The following KDM1B variants were observed in gnomAD, a reference collection of about 807,000 sequenced individuals.
The protein encoded by KDM1B is lysine-specific histone demethylase 2.
A neutral mutation model predicts 107.4 loss-of-function variants in KDM1B; 63 were observed. The observed-to-expected ratio is 0.59, with a 90% CI of 0.48 to 0.72. KDM1B has a LOEUF of 0.72. KDM1B is among the 30% of genes least tolerant of loss of function. KDM1B has a pLI of 0.00. For missense variants in KDM1B, 749 were observed against 1,020.8 expected, an observed-to-expected ratio of 0.73 and a Z score of 3.63; for synonymous variants, 363 against 363.9, an observed-to-expected ratio of 1.00 and a Z score of 0.03.
In KDM1B at chr6:18,223,481, G is replaced by A. The variant is rs1233871453; in HGVS notation, c.*1489G>A. On this transcript the variant is annotated 3_prime_UTR_variant, in exon 22 of 22. Coordinates refer to ENST00000650836, the MANE Select transcript of KDM1B (RefSeq NM_001364614.2). Reference sequence around the variant, plus strand: ...TGACTGGCAAGTATTCTGCTTTAAAGTATCATGTATTAAAATGTTTAGACA... The same window carrying A: ...TGACTGGCAAGTATTCTGCTTTAAAATATCATGTATTAAAATGTTTAGACA... 4 of 151,974 alleles carry A rather than the reference G, an allele frequency of 2.6e-5. No individual in the cohort carries two copies. Among genetic ancestry groups the A allele is most frequent in the Non-Finnish European group, 5.9e-5 (4 of 68,002 alleles). 9.4% of individuals were successfully genotyped at this position (151,974 alleles called of 1,614,324 possible).
chr6:18,201,372 T>G lies in KDM1B; in HGVS notation c.1360-114T>G. 1.4e-6 allele frequency: 1 copy of G among 720,844 alleles called. No homozygotes were observed. Among genetic ancestry groups the G allele is most frequent in the Non-Finnish European group, 2.3e-6 (1 of 442,580 alleles). 44.7% of individuals were successfully genotyped at this position (720,844 alleles called of 1,614,324 possible). A position where few individuals can be genotyped will look rare whatever the true frequency, so the allele number is the denominator to read the frequency against. On this transcript the variant is annotated intron_variant, in intron 13 of 21. Transcript: ENST00000650836. This position sits in a 1 kb window ranked among gnomAD's most constrained non-coding sequence, Gnocchi z 4.3. ...CGTGAAGCATATTTAGCTTTATTTT[T>G]GAGAGATATGAGACCATTTTCTCCA...
chr6:18,220,716 G>C (rs1371922458), intron 21 of KDM1B, among the ~76,000 whole-genome samples: 2 of 152,086 alleles, frequency 1.3e-5, no homozygotes, highest in East Asian at 3.9e-4. Context: ...TCATGAACAT[G>C]GCTTAGATGG....
chr6:18,177,765 T>G (rs910889915), intron 7 of KDM1B, among the ~76,000 whole-genome samples: 2 of 151,972 alleles, frequency 1.3e-5, no homozygotes, highest in Non-Finnish European at 2.9e-5. Flanking sequence ...TCATTCCTGC[T>G]CCTGGTACCA....
intron 6 of KDM1B, among the ~76,000 whole-genome samples, chr6:18,170,058 ACCC>A (rs1785556513): frequency 6.6e-6 from 1 of 151,546 alleles, no homozygotes; most frequent in Admixed American, 6.6e-5. Context: ...ACAGGCATGC[ACCC>A]CCACGCCCAG....
chr6:18,158,885 A>G (rs1348757284), intron 2 of KDM1B, among the ~76,000 whole-genome samples: 1 of 152,214 alleles, frequency 6.6e-6, no homozygotes, highest in Non-Finnish European at 1.5e-5. Context: ...GCTTCTATCT[A>G]ATTTAGATCT....
At chr6:18,178,538 A>G (rs137873513) in intron 7 of KDM1B, among the ~76,000 whole-genome samples, 1,840 of 151,984 alleles carry the variant, frequency 0.012, 38 homozygotes, top group African/African-American at 0.041. Context: ...GACTACAGGC[A>G]CACATCACCA....
In KDM1B at chr6:18,205,496, T is replaced by C. The variant is rs774130005; in HGVS notation, c.1532-41T>C. On this transcript the variant is annotated intron_variant, in intron 14 of 21. Coordinates refer to ENST00000650836, the MANE Select transcript of KDM1B (RefSeq NM_001364614.2). This position sits in a 1 kb window ranked among gnomAD's most constrained non-coding sequence, Gnocchi z 5.7. ...AAGGAGAAAGAATTGGAGAATCTTG[T>C]TAAAGCTATTTTTTTCTGCTTTGAT... The C allele has an allele frequency of 2.6e-6, 4 of 1,535,292 alleles. No homozygotes were observed. The South Asian group carries it at 4.8e-5, about 18-fold the overall frequency.
At chr6:18,194,452 C>T (rs1449480724) in intron 10 of KDM1B, among the ~76,000 whole-genome samples, 1 of 152,280 alleles carries the variant, frequency 6.6e-6, no homozygotes, top group East Asian at 1.9e-4. Flanking sequence ...CGCCATGCAC[C>T]TGCTGCAGTC....
chr6:18,210,342 CTTTT>C (rs533016543), intron 17 of KDM1B, among the ~76,000 whole-genome samples: 40 of 69,976 alleles, frequency 5.7e-4, no homozygotes, highest in African/African-American at 1.9e-3. Flanking sequence ...TCTTTCTTTT[CTTTT>C]TTTTTTTTTT....
At position 18,215,176 on chromosome 6, in the gene KDM1B, A is replaced by G. The variant is rs372453019; in HGVS notation, c.2232+47A>G. On this transcript the variant is annotated intron_variant, in intron 20 of 21. Transcript: ENST00000650836. ...TTGAAAGGGGCAAGCCGTGCTTGCT[A>G]TCCAGAGCAGGTGTGAAGCCCAAGC... 4.4e-6 allele frequency: 7 copies of G among 1,584,462 alleles called. No individual in the cohort carries two copies. In the Admixed American group the frequency reaches 1.2e-4, roughly 28 times the overall value.
chr6:18,169,233 A>ATTTTTTTT (rs199594945), intron 6 of KDM1B, among the ~76,000 whole-genome samples: 1 of 132,780 alleles, frequency 7.5e-6, no homozygotes. Context: ...TATATATATA[A>ATTTTTTTT]ATTTTTTTTT....
rs772335535 is a variant in KDM1B at position 18,162,800 on chromosome 6, C to T, written c.216-35C>T. On this transcript the variant is annotated intron_variant, in intron 4 of 21. Transcript: ENST00000650836. This position sits in a 1 kb window ranked among gnomAD's most constrained non-coding sequence, Gnocchi z 4.1. ...AAAAATGGGAGGAGAAATGTTTATT[C>T]ATTACCAAAGCTATATGTTTTTCAC... The T allele has an allele frequency of 3.4e-6, 4 of 1,180,064 alleles. No homozygotes were observed. Among genetic ancestry groups the T allele is most frequent in the South Asian group, 2.4e-5 (2 of 81,666 alleles). The allele number at this position is 1,180,064 out of a possible 1,614,324, so 73.1% of individuals were successfully genotyped here.
chr6:18,179,168 TTTC>T (rs1353192224), intron 7 of KDM1B, among the ~76,000 whole-genome samples: 1 of 152,256 alleles, frequency 6.6e-6, no homozygotes, highest in Non-Finnish European at 1.5e-5. Flanking sequence ...ACCATTGCAT[TTTC>T]TTCTTTAATC....
rs953340211 is a variant in KDM1B, at chr6:18,212,610, T to C, written c.1983+6T>C. 7.7e-6 allele frequency: 12 copies of C among 1,550,642 alleles called. No homozygotes were observed. Among genetic ancestry groups the C allele is most frequent in the Non-Finnish European group, 1.1e-5 (12 of 1,121,998 alleles). On this transcript the variant is annotated splice_donor_region_variant and intron_variant, in intron 18 of 21. Coordinates refer to ENST00000650836, the MANE Select transcript of KDM1B (RefSeq NM_001364614.2). The surrounding 1 kb of genome is among the most constrained non-coding windows in gnomAD (Gnocchi z 5.2). ...GCGCAGGCATCATTGAAAAGGTGAC[T>C]GAAATGACCTCATCCTCAGCAAGAA...
chr6:18,170,883 C>T (rs915643153), intron 6 of KDM1B, among the ~76,000 whole-genome samples: 12 of 150,890 alleles, frequency 8.0e-5, no homozygotes, highest in Non-Finnish European at 1.5e-4. Flanking sequence ...TGTAGTGGTG[C>T]GATCTCGGCT....
chr6:18,185,937 T>A, intron 8 of KDM1B, 127 bp downstream of exon 8: 2 of 823,098 alleles, frequency 2.4e-6, no homozygotes, highest in Non-Finnish European at 4.2e-6. Flanking sequence ...CTTTTTAATC[T>A]AACATGGTAA....
At chr6:18,192,525 G>A (rs1787346311) in intron 10 of KDM1B, among the ~76,000 whole-genome samples, 1 of 152,128 alleles carries the variant, frequency 6.6e-6, no homozygotes, top group Non-Finnish European at 1.5e-5. Context: ...AGCCAGCTGA[G>A]TAGGCTGTGC....
intron 7 of KDM1B, among the ~76,000 whole-genome samples, chr6:18,174,857 C>A (rs145416381): frequency 6.6e-6 from 1 of 152,140 alleles, no homozygotes; most frequent in African/African-American, 2.4e-5. Context: ...TGTACACATA[C>A]GCACACACTG....
At chr6:18,215,274 C>T in intron 20 of KDM1B, 145 bp downstream of exon 20, 3 of 889,822 alleles carry the variant, frequency 3.4e-6, no homozygotes, top group South Asian at 1.8e-5. Flanking sequence ...TCCCACTGCC[C>T]ACCTCAGCAC....
Sources: allele counts gnomAD v4.1 joint callset (sites outside exome capture counted in the v4.1 genomes callset), GRCh38; gene constraint gnomAD v4.1.1; non-coding constraint Gnocchi (gnomAD v3.1); transcripts MANE v1.5; gene names NCBI Gene and HGNC (gene_info 2026-07-23, HGNC 2026-07-21).